The following PPFIA2 variants were observed in gnomAD, a reference collection of about 807,000 sequenced individuals.
PPFIA2 encodes the protein PPFI scaffold protein A2, also known as liprin-alpha-2.
A neutral mutation model predicts 175.5 loss-of-function variants in PPFIA2; 46 were observed. The ratio of observed to expected loss-of-function variants is 0.26; its 90% CI spans 0.21 to 0.34. The LOEUF (loss-of-function observed/expected upper bound fraction) is 0.34, where lower values mean the gene tolerates loss of function less well. PPFIA2 is among the 10% of genes least tolerant of loss of function. The pLI is 1.00. For synonymous variants in PPFIA2, 568 were observed against 511.4 expected, an observed-to-expected ratio of 1.11 and a Z score of -1.49; for missense variants, 1,179 against 1,506.1, an observed-to-expected ratio of 0.78 and a Z score of 3.60.
intron 3 of PPFIA2, among the ~76,000 whole-genome samples, chr12:81,708,048 G>T (rs1192850963): frequency 1.4e-5 from 2 of 148,074 alleles, no homozygotes; most frequent in Non-Finnish European, 3.0e-5. Context: ...GGGAGGGATA[G>T]CATTGGGAGA....
At chr12:81,323,053 C>T (rs2139682366) in intron 22 of PPFIA2, among the ~76,000 whole-genome samples, 1 of 152,146 alleles carries the variant, frequency 6.6e-6, no homozygotes, top group South Asian at 2.1e-4. Flanking sequence ...CTGAACTTTG[C>T]AAAAATTTGG....
intron 4 of PPFIA2, among the ~76,000 whole-genome samples, chr12:81,534,941 T>C (rs1014455550): frequency 4.0e-5 from 6 of 151,342 alleles, no homozygotes; most frequent in African/African-American, 9.7e-5. Context: ...TAGGGGGAGG[T>C]TTCCTGCTTC....
chr12:81,460,070 T>G (rs1222400818), intron 4 of PPFIA2, among the ~76,000 whole-genome samples: 1 of 152,064 alleles, frequency 6.6e-6, no homozygotes, highest in Non-Finnish European at 1.5e-5. Flanking sequence ...GAGGTACCCT[T>G]TTTCCTTATC....
chr12:81,409,694 G>A (rs931556254), intron 7 of PPFIA2, among the ~76,000 whole-genome samples: 1 of 152,062 alleles, frequency 6.6e-6, no homozygotes, highest in African/African-American at 2.4e-5. Flanking sequence ...ACACAAAACA[G>A]ACTAAGACAC....
At chr12:81,353,009 A>G (rs2060290639) in intron 17 of PPFIA2, 110 bp downstream of exon 17, 3 of 895,138 alleles carry the variant, frequency 3.4e-6, no homozygotes, top group Non-Finnish European at 5.2e-6. Flanking sequence ...GATTCTGCAG[A>G]TCTATTAAGC....
chr12:81,517,912 G>A (rs1801501485), intron 4 of PPFIA2, among the ~76,000 whole-genome samples: 1 of 141,766 alleles, frequency 7.1e-6, no homozygotes, highest in Non-Finnish European at 1.5e-5. Flanking sequence ...ACCTTTCCTT[G>A]TAATAATTTA....
chr12:81,293,337 G>A (rs1216897715), intron 24 of PPFIA2, among the ~76,000 whole-genome samples: 1 of 151,756 alleles, frequency 6.6e-6, no homozygotes, highest in Non-Finnish European at 1.5e-5. Context: ...TTCTTTTCTA[G>A]GATTAGGATA....
intron 4 of PPFIA2, among the ~76,000 whole-genome samples, chr12:81,529,559 A>AAGAGAG (rs60373881): frequency 0.013 from 1,925 of 145,754 alleles, 30 homozygotes; most frequent in African/African-American, 0.042. Flanking sequence ...GGGCAGTGGA[A>AAGAGAG]AGAGAGAGAG....
rs973025330 is a variant in PPFIA2, at chr12:81,281,542, T to A, written c.3019-92A>T. ...CCTATTATTATAACTGATATTTAATTACTATGATATGTGGAAACAAAGCAA... is the reference window on the plus strand; with the variant it reads ...CCTATTATTATAACTGATATTTAATAACTATGATATGTGGAAACAAAGCAA... On this transcript the variant is annotated intron_variant, in intron 26 of 32. Transcript: ENST00000549396. The A allele has an allele frequency of 8.4e-6, 7 of 830,620 alleles. No individual in the cohort carries two copies. In the African/African-American group the frequency reaches 1.1e-4, roughly 13 times the overall value. 51.5% of individuals were successfully genotyped at this position (830,620 alleles called of 1,614,324 possible).
chr12:81,706,613 C>T lies in PPFIA2; in HGVS notation c.250-29769G>A, dbSNP rs377656676. On this transcript the variant is annotated intron_variant, in intron 3 of 32. Coordinates refer to ENST00000549396, the MANE Select transcript of PPFIA2 (RefSeq NM_003625.5). ...TCAGGTAGAAATGTATAGTAATACC[C>T]GGCCGTGTGAGGTGTCAGTCTGCCC... Among the ~76,000 whole-genome samples the T allele has an allele frequency of 3.9e-5, 6 of 152,084 alleles. No individual in the cohort carries two copies. In the South Asian group the frequency reaches 6.2e-4, roughly 16 times the overall value.
chr12:81,397,623 G>A (rs943443254), intron 8 of PPFIA2, among the ~76,000 whole-genome samples: 7 of 151,922 alleles, frequency 4.6e-5, no homozygotes, highest in Non-Finnish European at 7.4e-5. Flanking sequence ...TTAAAATGTG[G>A]GGCCAAAAGA....
At chr12:81,437,813 C>G (rs1265514575) in intron 7 of PPFIA2, among the ~76,000 whole-genome samples, 1 of 152,064 alleles carries the variant, frequency 6.6e-6, no homozygotes, top group Non-Finnish European at 1.5e-5. Context: ...AAGTACACCC[C>G]ATCCTGAAGA....
chr12:81,375,718 C>A, intron 10 of PPFIA2, 78 bp downstream of exon 10: 1 of 1,391,726 alleles, frequency 7.2e-7, no homozygotes, highest in Non-Finnish European at 1.0e-6. Flanking sequence ...TCAAGAAGTA[C>A]CCTATTTTAT....
At chr12:81,584,996 AATATATTAATTATATTT>A (rs1246293652) in intron 4 of PPFIA2, among the ~76,000 whole-genome samples, 1 of 15,152 alleles carries the variant, frequency 6.6e-5, no homozygotes, top group Non-Finnish European at 1.2e-4. Flanking sequence ...ATTTATATAT[AATATATTAATTATATTT>A]ATATATAATA....
intron 22 of PPFIA2, among the ~76,000 whole-genome samples, chr12:81,317,728 A>G (rs1378094050): frequency 1.3e-5 from 2 of 151,612 alleles, no homozygotes; most frequent in African/African-American, 2.4e-5. Context: ...TATACATTCA[A>G]TTATTTGAGA....
At chr12:81,632,085 T>G (rs2063458489) in intron 4 of PPFIA2, among the ~76,000 whole-genome samples, 1 of 152,214 alleles carries the variant, frequency 6.6e-6, no homozygotes, top group Non-Finnish European at 1.5e-5. Flanking sequence ...TTAAATATAC[T>G]TCTTATCAAA....
intron 4 of PPFIA2, among the ~76,000 whole-genome samples, chr12:81,501,287 A>G (rs544476071): frequency 6.6e-6 from 1 of 152,298 alleles, no homozygotes; most frequent in African/African-American, 2.4e-5. Flanking sequence ...TTTCCAAGAT[A>G]GTTATTCCCT....
intron 4 of PPFIA2, among the ~76,000 whole-genome samples, chr12:81,481,512 C>G (rs2058221994): frequency 6.6e-6 from 1 of 152,068 alleles, no homozygotes; most frequent in Admixed American, 6.6e-5. Context: ...CTACAGTAAC[C>G]AAAACATCAT....
chr12:81,402,010 C>T (rs1310016107), intron 8 of PPFIA2, among the ~76,000 whole-genome samples: 3 of 151,812 alleles, frequency 2.0e-5, no homozygotes, highest in Non-Finnish European at 4.4e-5. Context: ...AATAATAAGG[C>T]CTATTTCAGA....
Sources: gnomAD v4.1 joint callset for allele counts (sites outside exome capture counted in the v4.1 genomes callset) on GRCh38, gnomAD v4.1.1 for gene constraint, MANE v1.5 for transcripts, NCBI Gene and HGNC (gene_info 2026-07-23, HGNC 2026-07-21) for gene names.